MYO3A: variants seen among roughly 807,000 people sequenced by gnomAD.
The protein encoded by MYO3A is myosin-IIIa.
Under a neutral mutation model 192.7 loss-of-function variants are expected in MYO3A, and 180 were observed. The ratio of observed to expected loss-of-function variants is 0.93; its 90% CI spans 0.83 to 1.06. The LOEUF (loss-of-function observed/expected upper bound fraction) is 1.06, where lower values mean the gene tolerates loss of function less well. Ranked by LOEUF, MYO3A falls within the 50% of genes least tolerant of loss-of-function variation. MYO3A has a pLI of 0.00. For synonymous variants in MYO3A, 628 were observed against 645.3 expected (o/e 0.97, Z 0.41); for missense variants, 1,896 against 1,905.0 (o/e 1.00, Z 0.09).
At chr10:26,113,061 T>C (rs913083502) in intron 17 of MYO3A, among the ~76,000 whole-genome samples, 13 of 152,234 alleles carry the variant, frequency 8.5e-5, no homozygotes, top group Non-Finnish European at 1.6e-4. Flanking sequence ...CATGTTTTCT[T>C]TGGATTATTA....
intron 31 of MYO3A, among the ~76,000 whole-genome samples, chr10:26,190,282 T>C (rs1309502608): frequency 6.6e-6 from 1 of 152,148 alleles, no homozygotes; most frequent in Non-Finnish European, 1.5e-5. Flanking sequence ...TGCTTGTCTG[T>C]AGGAAATGAA....
chr10:26,002,647 G>A (rs1179317052), intron 6 of MYO3A, among the ~76,000 whole-genome samples: 9 of 152,202 alleles, frequency 5.9e-5, no homozygotes, highest in Admixed American at 5.9e-4. Flanking sequence ...GAGTCAGGGT[G>A]GACCAGGTAA....
rs78045762 is a variant in MYO3A at position 26,140,782 on chromosome 10, A to G, written c.2263-2666A>G. Among the ~76,000 whole-genome samples the G allele has an allele frequency of 4.1e-3, 618 of 152,270 alleles. 6 individuals are homozygous for G. The highest frequency in any genetic ancestry group is 0.014 in the African/African-American group (563 of 41,558). ...CTAATGATTTTCCTGAAGAAAATAT[A>G]TATAAAATGATTATTCATCTATTTT... On this transcript the variant is annotated intron_variant, in intron 20 of 34. Transcript: ENST00000642920.
At chr10:25,960,620 A>G (rs951587434) in intron 4 of MYO3A, among the ~76,000 whole-genome samples, 1 of 152,222 alleles carries the variant, frequency 6.6e-6, no homozygotes, top group Non-Finnish European at 1.5e-5. Flanking sequence ...ATCATGAGGA[A>G]GAGCAAATAT....
chr10:26,012,769 G>A (rs545819024), intron 6 of MYO3A, among the ~76,000 whole-genome samples: 2 of 151,810 alleles, frequency 1.3e-5, no homozygotes, highest in Admixed American at 1.3e-4. Context: ...ACCCAAAAGA[G>A]CCCAAATAGC....
intron 6 of MYO3A, among the ~76,000 whole-genome samples, chr10:26,001,246 G>A (rs1449036357): frequency 1.3e-5 from 2 of 151,980 alleles, no homozygotes; most frequent in Admixed American, 6.5e-5. Context: ...TTGCTAACCT[G>A]GAGGGGCAGA....
chr10:26,128,128 T>G (rs1404282719), intron 19 of MYO3A, among the ~76,000 whole-genome samples: 14 of 152,180 alleles, frequency 9.2e-5, no homozygotes, highest in Admixed American at 9.2e-4. Context: ...AAGAAAAAGT[T>G]TCTTTTGTTT....
intron 14 of MYO3A, among the ~76,000 whole-genome samples, chr10:26,086,035 G>C (rs1175927213): frequency 6.6e-6 from 1 of 152,060 alleles, no homozygotes; most frequent in Admixed American, 6.5e-5. Flanking sequence ...TCATTTGCAG[G>C]TAGGGGGAGG....
chr10:26,104,726 A>T (rs1015788196), intron 17 of MYO3A, among the ~76,000 whole-genome samples: 4 of 151,798 alleles, frequency 2.6e-5, no homozygotes, highest in Admixed American at 1.3e-4. Context: ...CTTTAAAAAA[A>T]TTTTTTTGTT....
intron 31 of MYO3A, among the ~76,000 whole-genome samples, chr10:26,178,079 G>C (rs940877881): frequency 3.9e-5 from 6 of 152,230 alleles, no homozygotes; most frequent in South Asian, 4.1e-4. Context: ...CCATTCATTT[G>C]GCTGCTGCAA....
At chr10:26,193,062 G>C (rs1325795055) in intron 31 of MYO3A, 143 bp from the exon 32 acceptor site, 3 of 703,508 alleles carry the variant, frequency 4.3e-6, no homozygotes, top group African/African-American at 3.6e-5. Context: ...GATAAGGGTT[G>C]GTTATGCAGC....
intron 26 of MYO3A, among the ~76,000 whole-genome samples, chr10:26,164,393 G>A (rs756339781): frequency 3.3e-5 from 5 of 152,138 alleles, no homozygotes; most frequent in South Asian, 2.1e-4. Flanking sequence ...TCTGAAGGAG[G>A]AGGGAAAATT....
intron 29 of MYO3A, among the ~76,000 whole-genome samples, chr10:26,172,953 C>T (rs184481609): frequency 6.6e-6 from 1 of 151,876 alleles, no homozygotes; most frequent in East Asian, 1.9e-4. Context: ...CAAGTAGCAA[C>T]GAGAGGTGTT....
At chr10:25,957,006 T>A (rs899382093) in intron 4 of MYO3A, among the ~76,000 whole-genome samples, 1 of 152,192 alleles carries the variant, frequency 6.6e-6, no homozygotes, top group African/African-American at 2.4e-5. Flanking sequence ...CCTGCATTAG[T>A]TTGCTAAGGA....
chr10:26,023,068 A>AGT (rs1564469050), intron 8 of MYO3A: 1 of 152,214 alleles, frequency 6.6e-6, no homozygotes, highest in African/African-American at 2.4e-5. Context: ...ACAAGAAACA[A>AGT]AACAACATTT....
rs2132036957 is a variant in MYO3A at position 26,174,029 on chromosome 10, A to G, written c.3765A>G (p.Ala1255=). 6.2e-7 allele frequency: 1 copy of G among 1,613,182 alleles called. No individual in the cohort carries two copies. Among genetic ancestry groups the G allele is most frequent in the Non-Finnish European group, 8.5e-7 (1 of 1,179,840 alleles). Residue 1255 remains alanine, a synonymous_variant, in exon 30 of 35, where the codon GCA becomes GCG. Transcript: ENST00000642920. ...TEERNCEESK[A]AYLERKAISE... ...AGAGGAATTGTGAAGAGTCAAAAGCAGCATATCTAGAAAGGAAGGCCATAT... is the reference window on the plus strand; with the variant it reads ...AGAGGAATTGTGAAGAGTCAAAAGCGGCATATCTAGAAAGGAAGGCCATAT...
In MYO3A at chr10:26,157,523, G is replaced by A; in HGVS notation, c.2999+8G>A. On this transcript the variant is annotated splice_region_variant and intron_variant, in intron 26 of 34. Transcript: ENST00000642920. ...TGCTAACTTTATAAAGCGGTATGTG[G>A]ATTTCTTTTTCAGTTTCTATTGTGC... is the stretch of plus-strand genomic sequence containing the variant. 1 of 1,611,130 alleles carries A rather than the reference G, an allele frequency of 6.2e-7. No homozygotes were observed. The highest frequency in any genetic ancestry group is 1.3e-5 in the African/African-American group (1 of 74,978).
intron 2 of MYO3A, among the ~76,000 whole-genome samples, chr10:25,939,227 A>T (rs1165095256): frequency 6.6e-6 from 1 of 151,798 alleles, no homozygotes; most frequent in Non-Finnish European, 1.5e-5. Context: ...TTAATGTTGC[A>T]CATCTCTACC....
chr10:26,108,194 T>C (rs992268086), intron 17 of MYO3A, among the ~76,000 whole-genome samples: 1 of 152,194 alleles, frequency 6.6e-6, no homozygotes, highest in Non-Finnish European at 1.5e-5. Flanking sequence ...TAAAAGAAGA[T>C]TTTACTCTAA....
Sources: gnomAD v4.1 joint callset for allele counts (sites outside exome capture counted in the v4.1 genomes callset) on GRCh38, gnomAD v4.1.1 for gene constraint, MANE v1.5 for transcripts, NCBI Gene and HGNC (gene_info 2026-07-23, HGNC 2026-07-21) for gene names.